Variants in CLASP1 observed in about 807,000 individuals in gnomAD.
CLASP1 encodes cytoplasmic linker associated protein 1, also known as CLIP-associating protein 1.
Under a neutral mutation model 192.3 loss-of-function variants are expected in CLASP1, and 38 were observed. That is an observed-to-expected ratio of 0.20 (90% CI 0.15 to 0.26). The LOEUF (loss-of-function observed/expected upper bound fraction) is 0.26, where lower values mean the gene tolerates loss of function less well. Among genes scored for constraint, CLASP1 ranks in the 10% least tolerant of loss-of-function variants. The pLI is 1.00. For missense variants in CLASP1, 1,433 were observed against 1,932.5 expected (o/e 0.74, Z 4.85); for synonymous variants, 691 against 712.8 (o/e 0.97, Z 0.49).
At chr2:121,434,570 A>G (rs570220487) in intron 19 of CLASP1, among the ~76,000 whole-genome samples, 1 of 152,208 alleles carries the variant, frequency 6.6e-6, no homozygotes, top group African/African-American at 2.4e-5. Context: ...CTGGCTTCCT[A>G]TTACCTTTAA....
chr2:121,633,225 A>G (rs1220289163), intron 1 of CLASP1, among the ~76,000 whole-genome samples: 3 of 152,078 alleles, frequency 2.0e-5, no homozygotes, highest in African/African-American at 7.2e-5. Flanking sequence ...AATTTAAGCA[A>G]GATGAAGCGA....
At chr2:121,424,384 T>A (rs2080039356) in intron 22 of CLASP1, among the ~76,000 whole-genome samples, 1 of 152,186 alleles carries the variant, frequency 6.6e-6, no homozygotes, top group Non-Finnish European at 1.5e-5. Flanking sequence ...CCAACACAAT[T>A]TAAGAATACA....
intron 2 of CLASP1, 45 bp from the exon 3 acceptor site, chr2:121,530,370 G>T: frequency 6.7e-7 from 1 of 1,488,830 alleles, no homozygotes; most frequent in Non-Finnish European, 9.1e-7. Context: ...CGGCCTGCGG[G>T]GCAGCGCTCC....
intron 1 of CLASP1, among the ~76,000 whole-genome samples, chr2:121,624,526 C>T (rs1342493299): frequency 6.6e-6 from 1 of 152,172 alleles, no homozygotes; most frequent in East Asian, 1.9e-4. Flanking sequence ...AAGCTATTCT[C>T]CTGCCTCAGC....
At chr2:121,360,821 A>C (rs1186297116) in intron 37 of CLASP1, among the ~76,000 whole-genome samples, 2 of 152,196 alleles carry the variant, frequency 1.3e-5, no homozygotes, top group Admixed American at 1.3e-4. Context: ...CTCTACCACA[A>C]GTCAGTAACA....
intron 26 of CLASP1, chr2:121,403,545 A>G: frequency 2.2e-6 from 1 of 454,808 alleles, no homozygotes; most frequent in Non-Finnish European, 4.4e-6. Context: ...TTGATCCTGC[A>G]TGTCAGCATT....
chr2:121,621,035 C>G (rs1422860349), intron 1 of CLASP1, among the ~76,000 whole-genome samples: 2 of 151,976 alleles, frequency 1.3e-5, no homozygotes, highest in Non-Finnish European at 2.9e-5. Flanking sequence ...TTGAGACCAG[C>G]CTGGGCAATG....
intron 23 of CLASP1, among the ~76,000 whole-genome samples, chr2:121,412,170 A>C (rs1270638115): frequency 6.6e-6 from 1 of 152,238 alleles, no homozygotes; most frequent in East Asian, 1.9e-4. Flanking sequence ...TGTCAATTTC[A>C]AAACATTATA....
intron 37 of CLASP1, among the ~76,000 whole-genome samples, chr2:121,350,351 A>T (rs1283301376): frequency 6.6e-6 from 1 of 152,224 alleles, no homozygotes; most frequent in Non-Finnish European, 1.5e-5. Context: ...AAGTGGGTGA[A>T]GAAGTCTGTA....
intron 21 of CLASP1, among the ~76,000 whole-genome samples, chr2:121,426,459 T>C (rs184512110): frequency 4.6e-5 from 7 of 152,298 alleles, no homozygotes; most frequent in East Asian, 1.9e-4. Context: ...ACTAATAATA[T>C]TGAGAAACTA....
intron 1 of CLASP1, among the ~76,000 whole-genome samples, chr2:121,627,129 C>T (rs1035627880): frequency 2.2e-4 from 33 of 152,086 alleles, no homozygotes; most frequent in African/African-American, 7.7e-4. Context: ...GAGGAGAAAA[C>T]TAGGATAACG....
At chr2:121,599,121 C>T (rs1211244235) in intron 2 of CLASP1, among the ~76,000 whole-genome samples, 2 of 151,886 alleles carry the variant, frequency 1.3e-5, no homozygotes, top group African/African-American at 2.4e-5. Context: ...CCTCGGCCTC[C>T]CAAAGTGCTG....
At chr2:121,539,217 G>C (rs908977928) in intron 2 of CLASP1, among the ~76,000 whole-genome samples, 1 of 152,082 alleles carries the variant, frequency 6.6e-6, no homozygotes, top group African/African-American at 2.4e-5. Context: ...GCACTCTTTT[G>C]GTTAAACAAG....
At chr2:121,622,161 T>A (rs2067476120) in intron 1 of CLASP1, among the ~76,000 whole-genome samples, 1 of 152,066 alleles carries the variant, frequency 6.6e-6, no homozygotes, top group African/African-American at 2.4e-5. Flanking sequence ...TTAATAGGGA[T>A]TGTGCTAAAT....
chr2:121,642,406 A>G (rs2072281938), intron 1 of CLASP1, among the ~76,000 whole-genome samples: 1 of 148,466 alleles, frequency 6.7e-6, no homozygotes. Flanking sequence ...TTTGCTAAAA[A>G]AAAAAAAAAA....
chr2:121,626,923 G>C (rs2068484868), intron 1 of CLASP1, among the ~76,000 whole-genome samples: 1 of 152,140 alleles, frequency 6.6e-6, no homozygotes, highest in Non-Finnish European at 1.5e-5. Context: ...CTTGAATATA[G>C]AGGAACAACT....
intron 8 of CLASP1, among the ~76,000 whole-genome samples, chr2:121,477,708 CA>C (rs1415404936): frequency 6.6e-6 from 1 of 152,152 alleles, no homozygotes; most frequent in Non-Finnish European, 1.5e-5. Context: ...TATATTTAAT[CA>C]ATCATCTATT....
At chr2:121,386,673 C>A (rs1392267271) in intron 32 of CLASP1, among the ~76,000 whole-genome samples, 1 of 152,224 alleles carries the variant, frequency 6.6e-6, no homozygotes, top group Non-Finnish European at 1.5e-5. Flanking sequence ...CATTCTGCTT[C>A]AAACATGATA....
intron 7 of CLASP1, among the ~76,000 whole-genome samples, chr2:121,513,981 C>A (rs1405339559): frequency 6.6e-6 from 1 of 152,216 alleles, no homozygotes; most frequent in Non-Finnish European, 1.5e-5. Context: ...ACTCTTATTC[C>A]ACTTGTTGGG....
Sources: allele counts gnomAD v4.1 joint callset (sites outside exome capture counted in the v4.1 genomes callset), GRCh38; gene constraint gnomAD v4.1.1; transcripts MANE v1.5; gene names NCBI Gene and HGNC (gene_info 2026-07-23, HGNC 2026-07-21).